B4GALT2: variants seen among roughly 807,000 people sequenced by gnomAD.
B4GALT2 encodes the protein beta-1,4-galactosyltransferase 2, also known as N-acetyllactosamine synthase.
A neutral mutation model predicts 33.2 loss-of-function variants in B4GALT2; 18 were observed. The observed-to-expected ratio is 0.54, with a 90% confidence interval of 0.38 to 0.80. The LOEUF (loss-of-function observed/expected upper bound fraction) is 0.80. B4GALT2 is among the 30% of genes least tolerant of loss of function. The pLI is 0.00. For synonymous variants in B4GALT2, 214 were observed against 217.6 expected (o/e 0.98, Z 0.15); for missense variants, 404 against 526.2 (o/e 0.77, Z 2.27).
intron 6 of B4GALT2, 110 bp downstream of exon 6, chr1:43,985,731 A>C: frequency 2.0e-6 from 2 of 1,005,034 alleles, no homozygotes; most frequent in Non-Finnish European, 3.1e-6. Flanking sequence ...ACCTCCAAGC[A>C]TCCTTGACTC....
rs769535602 is a variant in B4GALT2 at position 43,985,438 on chromosome 1, G to A, written c.863+38G>A. ...GCGGTGGGGAATAGGCTGGGTGGGG[G>A]GGGGAGGGGGGGTGCAGACTGGGTG... On this transcript the variant is annotated intron_variant, in intron 5 of 6. Coordinates refer to ENST00000372324, the MANE Select transcript of B4GALT2 (RefSeq NM_003780.5). 53 of 661,238 alleles carry A rather than the reference G, an allele frequency of 8.0e-5. 2 individuals carry two copies. The highest frequency in any genetic ancestry group is 1.3e-4 in the Non-Finnish European group (52 of 394,668). The allele number at this position is 661,238 out of a possible 1,614,324, so 41.0% of individuals were successfully genotyped here.
At position 43,981,927 on chromosome 1, in the gene B4GALT2, G is replaced by A; in HGVS notation, c.549+3G>A. 1 of 1,613,312 alleles carries A rather than the reference G, an allele frequency of 6.2e-7. No homozygotes were observed. Among genetic ancestry groups the A allele is most frequent in the South Asian group, 1.1e-5 (1 of 91,078 alleles). On this transcript the variant is annotated splice_donor_region_variant and intron_variant, in intron 3 of 6. Transcript: ENST00000372324. The surrounding 1 kb of genome is among the most constrained non-coding windows in gnomAD (Gnocchi z 8.1). Reference sequence around the variant, plus strand: ...ACGGCGTCTATGTCATCAACCAGGTGCCCATGCGGGGGTCCATGTGCCTGT... The same window carrying A: ...ACGGCGTCTATGTCATCAACCAGGTACCCATGCGGGGGTCCATGTGCCTGT...
chr1:43,985,433 T>TGGGGGGGGGGG, intron 5 of B4GALT2, 33 bp downstream of exon 5: 2 of 143,518 alleles, frequency 1.4e-5, no homozygotes, highest in South Asian at 6.6e-5. Context: ...ATAGGCTGGG[T>TGGGGGGGGGGG]GGGGGGGGGA....
chr1:43,981,545 G>T lies in B4GALT2; in HGVS notation c.313+72G>T. On this transcript the variant is annotated intron_variant, in intron 2 of 6. Coordinates refer to ENST00000372324, the MANE Select transcript of B4GALT2 (RefSeq NM_003780.5). This position sits in a 1 kb window ranked among gnomAD's most constrained non-coding sequence, Gnocchi z 8.1. ...TGGTTTGACTAGAGAAATGGCATCT[G>T]GACCCAGGGGTGTGCCAGGGGTCCA... 1 of 1,518,270 alleles carries T rather than the reference G, an allele frequency of 6.6e-7. No homozygotes were observed. Among genetic ancestry groups the T allele is most frequent in the Non-Finnish European group, 8.8e-7 (1 of 1,133,146 alleles). 94.0% of individuals were successfully genotyped at this position (1,518,270 alleles called of 1,614,324 possible).
At position 43,991,067 on chromosome 1, in the gene B4GALT2, C is replaced by T. The variant is rs74073348; in HGVS notation, c.*619C>T. The T allele has an allele frequency of 8.2e-3, 1,296 of 157,722 alleles. 19 individuals carry two copies. The highest frequency in any genetic ancestry group is 0.03 in the African/African-American group (1,239 of 41,556). 9.8% of individuals were successfully genotyped at this position (157,722 alleles called of 1,614,324 possible). On this transcript the variant is annotated 3_prime_UTR_variant, in exon 7 of 7. Transcript: ENST00000372324. ...GGCTTGGATCAGTAAGTCTGGTTCC[C>T]GCCTCCCTGTCTGAGAGAGGAGGCA...
At position 43,981,917 on chromosome 1, in the gene B4GALT2, T is replaced by C; in HGVS notation, c.542T>C (p.Ile181Thr). ...RQRLRYGVYV[I>T]NQHGEDTFNR... ...CGGCTGCGCTACGGCGTCTATGTCA[T>C]CAACCAGGTGCCCATGCGGGGGTCC... The change falls in exon 3 of 7, where the codon ATC becomes ACC. Residue 181 changes from isoleucine (I) to threonine (T), a missense_variant. Ile to Thr is a moderately conservative substitution (Grantham distance 89). Coordinates refer to ENST00000372324, the MANE Select transcript of B4GALT2 (RefSeq NM_003780.5). This position sits in a 1 kb window ranked among gnomAD's most constrained non-coding sequence, Gnocchi z 8.1. 1 of 1,613,652 alleles carries C rather than the reference T, an allele frequency of 6.2e-7. No homozygotes were observed. The highest frequency in any genetic ancestry group is 8.5e-7 in the Non-Finnish European group (1 of 1,179,920).
intron 1 of B4GALT2, chr1:43,980,112 C>T: frequency 7.1e-7 from 1 of 1,411,640 alleles, no homozygotes; most frequent in Non-Finnish European, 9.3e-7. Context: ...CTCTGTGTGT[C>T]TGAGTGTGGG....
chr1:43,990,543 T>C lies in B4GALT2; in HGVS notation c.*95T>C, dbSNP rs2085719025. On this transcript the variant is annotated 3_prime_UTR_variant, in exon 7 of 7. Transcript: ENST00000372324. ...CTGCTCTGTGGAGGACCTCCAGGAC[T>C]GAGACTGGGCTCTGTTTTCCAAGGG... 2 of 1,516,654 alleles carry C rather than the reference T, an allele frequency of 1.3e-6. No individual in the cohort carries two copies. The highest frequency in any genetic ancestry group is 1.8e-6 in the Non-Finnish European group (2 of 1,107,854). The allele number at this position is 1,516,654 out of a possible 1,614,324, so 93.9% of individuals were successfully genotyped here. A position where few individuals can be genotyped will look rare whatever the true frequency, so the allele number is the denominator to read the frequency against.
chr1:43,982,348 G>A lies in B4GALT2; in HGVS notation c.549+424G>A, dbSNP rs1268159663. Among the ~76,000 whole-genome samples, 1 of 152,106 alleles carries A rather than the reference G, an allele frequency of 6.6e-6. No homozygotes were observed. Among genetic ancestry groups the A allele is most frequent in the South Asian group, 2.1e-4 (1 of 4,828 alleles). Reference sequence around the variant, plus strand: ...GCCTTTGGTGGACCTGGCTAGGGCTGGCCACTAGGTCCCAGAAGGGACCTC... The same window carrying A: ...GCCTTTGGTGGACCTGGCTAGGGCTAGCCACTAGGTCCCAGAAGGGACCTC... On this transcript the variant is annotated intron_variant, in intron 3 of 6. Coordinates refer to ENST00000372324, the MANE Select transcript of B4GALT2 (RefSeq NM_003780.5). The surrounding 1 kb of genome is among the most constrained non-coding windows in gnomAD (Gnocchi z 4.3).
chr1:43,988,846 CAAAAAAAAA>C (rs71036648), intron 6 of B4GALT2, among the ~76,000 whole-genome samples: 1 of 95,308 alleles, frequency 1.0e-5, no homozygotes, highest in Admixed American at 1.2e-4. Context: ...GACTCTGTCT[CAAAAAAAAA>C]AAAAAAAAAA....
At chr1:43,983,582 C>T (rs545600973) in intron 3 of B4GALT2, among the ~76,000 whole-genome samples, 3 of 151,946 alleles carry the variant, frequency 2.0e-5, no homozygotes, top group African/African-American at 7.3e-5. Flanking sequence ...AAGAAGGAAT[C>T]GGATTTGACG....
At chr1:43,987,971 TTC>T (rs1445044014) in intron 6 of B4GALT2, among the ~76,000 whole-genome samples, 3 of 152,186 alleles carry the variant, frequency 2.0e-5, no homozygotes, top group Non-Finnish European at 2.9e-5. Context: ...CTCCGATGTT[TTC>T]TCTGTTACCT....
chr1:43,988,475 T>C lies in B4GALT2; in HGVS notation c.969-1823T>C, dbSNP rs144512162. On this transcript the variant is annotated intron_variant, in intron 6 of 6. Coordinates refer to ENST00000372324, the MANE Select transcript of B4GALT2 (RefSeq NM_003780.5). The stretch of plus-strand genomic sequence containing the variant: ...TAGTTCGAGACCAGCCTGGCCAAAA[T>C]GGTGAACCCCATCTCTACTAAAAAT... Among the ~76,000 whole-genome samples the C allele has an allele frequency of 5.1e-3, 773 of 150,632 alleles. 7 individuals are homozygous for C. The highest frequency in any genetic ancestry group is 0.018 in the African/African-American group (723 of 40,922).
At chr1:43,989,955 C>T (rs544386798) in intron 6 of B4GALT2, among the ~76,000 whole-genome samples, 1 of 152,250 alleles carries the variant, frequency 6.6e-6, no homozygotes, top group South Asian at 2.1e-4. Context: ...AGCATAGTCT[C>T]TTCTTTAAGT....
chr1:43,989,057 A>G (rs2085692471), intron 6 of B4GALT2, among the ~76,000 whole-genome samples: 1 of 152,118 alleles, frequency 6.6e-6, no homozygotes, highest in Non-Finnish European at 1.5e-5. Flanking sequence ...CTTAAAAATC[A>G]CTAGATCAGC....
chr1:43,983,035 G>A (rs939902315), intron 3 of B4GALT2, among the ~76,000 whole-genome samples: 3 of 152,336 alleles, frequency 2.0e-5, no homozygotes. Flanking sequence ...TTGGCTGTTG[G>A]CTGTGGGGAT....
Position 43,981,929 on chromosome 1 carries a change from C to T in B4GALT2, c.549+5C>T. 2 of 1,613,120 alleles carry T rather than the reference C, an allele frequency of 1.2e-6. No individual in the cohort carries two copies. The highest frequency in any genetic ancestry group is 1.7e-6 in the Non-Finnish European group (2 of 1,179,522). ...GGCGTCTATGTCATCAACCAGGTGC[C>T]CATGCGGGGGTCCATGTGCCTGTTG... is the stretch of plus-strand genomic sequence containing the variant. On this transcript the variant is annotated splice_donor_5th_base_variant and intron_variant, in intron 3 of 6. Transcript: ENST00000372324. This position sits in a 1 kb window ranked among gnomAD's most constrained non-coding sequence, Gnocchi z 8.1.
chr1:43,980,199 A>G, intron 1 of B4GALT2: 1 of 849,382 alleles, frequency 1.2e-6, no homozygotes, highest in Non-Finnish European at 1.7e-6. Flanking sequence ...GCACTGCCAG[A>G]AGTGGCTGCC....
intron 6 of B4GALT2, among the ~76,000 whole-genome samples, chr1:43,989,317 T>C (rs1429167481): frequency 1.2e-4 from 3 of 24,090 alleles, no homozygotes; most frequent in Non-Finnish European, 4.8e-4. Context: ...TTGTACTCTG[T>C]CTCAAAAAAA....
Sources: gnomAD v4.1 joint callset for allele counts (sites outside exome capture counted in the v4.1 genomes callset) on GRCh38, gnomAD v4.1.1 for gene constraint, Gnocchi (gnomAD v3.1) non-coding constraint, MANE v1.5 for transcripts, NCBI Gene and HGNC (gene_info 2026-07-23, HGNC 2026-07-21) for gene names.